FOXK1: variants seen among roughly 807,000 people sequenced by gnomAD.
FOXK1 encodes the protein forkhead box protein K1.
In FOXK1, 19 loss-of-function variants were observed where a neutral mutation model predicts 51.9. The observed-to-expected ratio is 0.37, with a 90% confidence interval of 0.26 to 0.54. FOXK1 has a LOEUF of 0.54. Among genes scored for constraint, FOXK1 ranks in the 20% least tolerant of loss-of-function variants. FOXK1 has a pLI of 0.87. For missense variants in FOXK1, 870 were observed against 1,032.7 expected (o/e 0.84, Z 2.16); for synonymous variants, 537 against 482.6 (o/e 1.11, Z -1.48).
intron 1 of FOXK1, among the ~76,000 whole-genome samples, chr7:4,740,337 G>A (rs1348115798): frequency 4.6e-5 from 7 of 152,076 alleles, no homozygotes; most frequent in African/African-American, 1.4e-4. Flanking sequence ...GGCTGAGGCA[G>A]GAGAATGGTG....
intron 1 of FOXK1, among the ~76,000 whole-genome samples, chr7:4,706,045 T>TATATACAC (rs1562373246): frequency 4.2e-5 from 5 of 118,278 alleles, no homozygotes; most frequent in African/African-American, 2.8e-4. Flanking sequence ...TGTATATACG[T>TATATACAC]GTATATATGT....
At chr7:4,701,452 A>C (rs779897273) in intron 1 of FOXK1, among the ~76,000 whole-genome samples, 10 of 152,190 alleles carry the variant, frequency 6.6e-5, no homozygotes, top group Admixed American at 1.3e-4. Flanking sequence ...AAAAGTACAA[A>C]GGATATGTAA....
rs934542335 is a variant in FOXK1, at chr7:4,765,267, C to G, written c.*2803C>G. The stretch of plus-strand genomic sequence containing the variant: ...CGGAACTTGTCTTGGAACCGGTAGC[C>G]AGAGGCCCAGGAAGGGACAGGGCCC... On this transcript the variant is annotated 3_prime_UTR_variant, in exon 9 of 9. Transcript: ENST00000328914. 6.6e-6 allele frequency: 1 copy of G among 152,314 alleles called. No individual in the cohort carries two copies. Among genetic ancestry groups the G allele is most frequent in the Non-Finnish European group, 1.5e-5 (1 of 68,092 alleles). The allele number at this position is 152,314 out of a possible 1,614,324, so 9.4% of individuals were successfully genotyped here.
chr7:4,717,126 TATGGCTGGAAGGTGGTAGC>T (rs1780245082), intron 1 of FOXK1, among the ~76,000 whole-genome samples: 1 of 118,838 alleles, frequency 8.4e-6, no homozygotes, highest in African/African-American at 3.4e-5. Flanking sequence ...TGGGAAGGCA[TATGGCTGGAAGGTGGTAGC>T]GGGAGGCGTG....
rs746306492 is a variant in FOXK1 at position 4,711,912 on chromosome 7, G to A, written c.561-28926G>A. 3.9e-5 allele frequency among the ~76,000 whole-genome samples: 6 copies of A among 152,312 alleles called. No individual in the cohort carries two copies. The highest frequency in any genetic ancestry group is 1.9e-4 in the East Asian group (1 of 5,174). On this transcript the variant is annotated intron_variant, in intron 1 of 8. Coordinates refer to ENST00000328914, the MANE Select transcript of FOXK1 (RefSeq NM_001037165.2). This position sits in a 1 kb window ranked among gnomAD's most constrained non-coding sequence, Gnocchi z 6.3. ...CAGAACTTGATGGACTATGACTCAA[G>A]GTTGAGATGGGGCAGGGACTCCGGG...
intron 1 of FOXK1, among the ~76,000 whole-genome samples, chr7:4,705,699 C>T (rs527359898): frequency 2.3e-3 from 344 of 151,372 alleles, no homozygotes; most frequent in Middle Eastern, 6.8e-3. Flanking sequence ...CCACCATGCC[C>T]GGCTAATTTT....
chr7:4,691,041 G>A (rs923423581), intron 1 of FOXK1, among the ~76,000 whole-genome samples: 3 of 152,092 alleles, frequency 2.0e-5, no homozygotes, highest in Admixed American at 6.6e-5. Context: ...TACTTTTCAC[G>A]AGTTTCTAGT....
chr7:4,721,589 CTTT>C (rs200132324), intron 1 of FOXK1, among the ~76,000 whole-genome samples: 17 of 112,630 alleles, frequency 1.5e-4, no homozygotes, highest in African/African-American at 4.3e-4. Context: ...TCTTTTTTTT[CTTT>C]TTTTTTTTTT....
At position 4,743,274 on chromosome 7, in the gene FOXK1, C is replaced by T. The variant is rs910515917; in HGVS notation, c.746+2251C>T. Among the ~76,000 whole-genome samples, 14 of 152,272 alleles carry T rather than the reference C, an allele frequency of 9.2e-5. No homozygotes were observed. Among genetic ancestry groups the T allele is most frequent in the African/African-American group, 3.1e-4 (13 of 41,548 alleles). ...AAGTCACTTTAAAGAGTGAACTGGC[C>T]GGGCGCGGTGGCTCACACTGGTAAT... is the stretch of plus-strand genomic sequence containing the variant. On this transcript the variant is annotated intron_variant, in intron 2 of 8. Transcript: ENST00000328914. This position sits in a 1 kb window ranked among gnomAD's most constrained non-coding sequence, Gnocchi z 5.3.
At chr7:4,741,156 T>C in intron 2 of FOXK1, 133 bp downstream of exon 2, 1 of 618,938 alleles carries the variant, frequency 1.6e-6, no homozygotes, top group Non-Finnish European at 2.5e-6. Context: ...GAAAGTGTTG[T>C]ACGTCCATCC....
intron 1 of FOXK1, among the ~76,000 whole-genome samples, chr7:4,728,007 A>AT (rs1487392842): frequency 1.3e-5 from 2 of 152,164 alleles, no homozygotes; most frequent in Non-Finnish European, 2.9e-5. Flanking sequence ...CTGCACAGAC[A>AT]TTTCCAGGGG....
intron 1 of FOXK1, among the ~76,000 whole-genome samples, chr7:4,691,837 G>T (rs1330744593): frequency 6.6e-6 from 1 of 152,154 alleles, no homozygotes; most frequent in Non-Finnish European, 1.5e-5. Context: ...CAGAGACCCT[G>T]TTATTATGAA....
At position 4,735,835 on chromosome 7, in the gene FOXK1, C is replaced by G. The variant is rs115778992; in HGVS notation, c.561-5003C>G. On this transcript the variant is annotated intron_variant, in intron 1 of 8. Transcript: ENST00000328914. The surrounding 1 kb of genome is among the most constrained non-coding windows in gnomAD (Gnocchi z 4.7). ...CAGGGAGAGATGTAACTGGCAAACTCCCTGAGCATGCTGGGGAAACATCTA... is the reference window on the plus strand; with the variant it reads ...CAGGGAGAGATGTAACTGGCAAACTGCCTGAGCATGCTGGGGAAACATCTA... 3.1e-4 allele frequency among the ~76,000 whole-genome samples: 47 copies of G among 152,302 alleles called. No homozygotes were observed. Among genetic ancestry groups the G allele is most frequent in the African/African-American group, 1.1e-3 (46 of 41,568 alleles).
At chr7:4,686,397 G>C (rs781589534) in intron 1 of FOXK1, among the ~76,000 whole-genome samples, 10 of 152,154 alleles carry the variant, frequency 6.6e-5, no homozygotes, top group Non-Finnish European at 1.3e-4. Flanking sequence ...CTGGAAGTAC[G>C]TAATTCCAAA....
rs1562373841 is a variant in FOXK1 at position 4,707,747 on chromosome 7, C to CA, written c.560+24879_560+24880insA. Among the ~76,000 whole-genome samples the CA allele has an allele frequency of 1.3e-5, 2 of 151,708 alleles. No individual in the cohort carries two copies. The highest frequency in any genetic ancestry group is 4.9e-5 in the African/African-American group (2 of 41,180). ...TTGCCCAGGCTGGAGTGCAGTGGCACGATCGTGGCTCTCTGCAACCTCCGC... is the reference window on the plus strand; with the variant it reads ...TTGCCCAGGCTGGAGTGCAGTGGCACAGATCGTGGCTCTCTGCAACCTCCGC... On this transcript the variant is annotated intron_variant, in intron 1 of 8. Transcript: ENST00000328914. The surrounding 1 kb of genome is among the most constrained non-coding windows in gnomAD (Gnocchi z 4.1).
chr7:4,706,916 T>G (rs555441914), intron 1 of FOXK1, among the ~76,000 whole-genome samples: 1 of 152,198 alleles, frequency 6.6e-6, no homozygotes, highest in African/African-American at 2.4e-5. Context: ...CCCCCGGGAC[T>G]TCTGAGTTCC....
chr7:4,687,615 C>A (rs1779838144), intron 1 of FOXK1, among the ~76,000 whole-genome samples: 3 of 152,160 alleles, frequency 2.0e-5, no homozygotes, highest in Non-Finnish European at 2.9e-5. Flanking sequence ...CTTGATGCCA[C>A]TTAATTTTGA....
chr7:4,705,399 C>G (rs1222914389), intron 1 of FOXK1, among the ~76,000 whole-genome samples: 1 of 152,068 alleles, frequency 6.6e-6, no homozygotes, highest in Non-Finnish European at 1.5e-5. Flanking sequence ...CCAGGCTGGT[C>G]TTGAACTCGT....
At position 4,722,298 on chromosome 7, in the gene FOXK1, C is replaced by T. The variant is rs1308486792; in HGVS notation, c.561-18540C>T. Among the ~76,000 whole-genome samples, 22 of 152,238 alleles carry T rather than the reference C, an allele frequency of 1.4e-4. No individual in the cohort carries two copies. The highest frequency in any genetic ancestry group is 1.2e-3 in the Admixed American group (18 of 15,292). Reference sequence around the variant, plus strand: ...GCGTCCCTGCCTCAGATTCCAAAATCTGTTGTTCTAGAAACTCTCTAAGGT... The same window carrying T: ...GCGTCCCTGCCTCAGATTCCAAAATTTGTTGTTCTAGAAACTCTCTAAGGT... On this transcript the variant is annotated intron_variant, in intron 1 of 8. Coordinates refer to ENST00000328914, the MANE Select transcript of FOXK1 (RefSeq NM_001037165.2). This position sits in a 1 kb window ranked among gnomAD's most constrained non-coding sequence, Gnocchi z 5.1.
Sources: gnomAD v4.1 joint callset for allele counts (sites outside exome capture counted in the v4.1 genomes callset) on GRCh38, gnomAD v4.1.1 for gene constraint, Gnocchi (gnomAD v3.1) non-coding constraint, MANE v1.5 for transcripts, NCBI Gene and HGNC (gene_info 2026-07-23, HGNC 2026-07-21) for gene names.